Variants in KCNAB1 observed in about 807,000 individuals in gnomAD.
The protein encoded by KCNAB1 is voltage-gated potassium channel subunit beta-1.
Under a neutral mutation model 64.6 loss-of-function variants are expected in KCNAB1, and 35 were observed. The ratio of observed to expected loss-of-function variants is 0.54; its 90% confidence interval spans 0.41 to 0.72. KCNAB1 has a LOEUF of 0.72. Among genes scored for constraint, KCNAB1 ranks in the 30% least tolerant of loss-of-function variants. The pLI is 0.00. For missense variants in KCNAB1, 401 were observed against 512.9 expected, an observed-to-expected ratio of 0.78 and a Z score of 2.11; for synonymous variants, 177 against 183.8, an observed-to-expected ratio of 0.96 and a Z score of 0.30.
At chr3:156,296,074 T>G (rs1720755443) in intron 1 of KCNAB1, among the ~76,000 whole-genome samples, 1 of 152,234 alleles carries the variant, frequency 6.6e-6, no homozygotes, top group South Asian at 2.1e-4. Context: ...TTTTTATGTC[T>G]ATTTTTAATC....
intron 2 of KCNAB1, among the ~76,000 whole-genome samples, chr3:156,436,723 A>G (rs1452660526): frequency 6.6e-6 from 1 of 152,196 alleles, no homozygotes; most frequent in Non-Finnish European, 1.5e-5. Flanking sequence ...TCTTTTGAGA[A>G]GTGTCTGTTC....
chr3:156,143,302 G>T (rs1714815785), intron 1 of KCNAB1: 2 of 1,613,590 alleles, frequency 1.2e-6, no homozygotes, highest in African/African-American at 1.3e-5. Context: ...GCCTCAGGCG[G>T]CCTGCAAACC....
At chr3:156,492,122 A>T (rs1350776349) in intron 8 of KCNAB1, among the ~76,000 whole-genome samples, 4 of 152,186 alleles carry the variant, frequency 2.6e-5, no homozygotes, top group African/African-American at 9.6e-5. Context: ...GTATATTAAT[A>T]GATACTAACT....
At chr3:156,342,609 A>ATTTTTTTTTTTTTTTTTTTTTTTTT (rs59689669) in intron 1 of KCNAB1, among the ~76,000 whole-genome samples, 3 of 104,694 alleles carry the variant, frequency 2.9e-5, no homozygotes, top group Admixed American at 1.0e-4. Flanking sequence ...TTTTTTTTTA[A>ATTTTTTTTTTTTTTTTTTTTTTTTT]TTTTTTTTTT....
intron 1 of KCNAB1, among the ~76,000 whole-genome samples, chr3:156,151,913 T>C (rs992328142): frequency 6.6e-6 from 1 of 152,224 alleles, no homozygotes; most frequent in African/African-American, 2.4e-5. Context: ...TCCTTCAATC[T>C]GGAACAGTTC....
At chr3:156,476,055 A>G (rs946211628) in intron 8 of KCNAB1, among the ~76,000 whole-genome samples, 7 of 152,200 alleles carry the variant, frequency 4.6e-5, no homozygotes, top group African/African-American at 1.4e-4. Flanking sequence ...AGCAAAGATT[A>G]GGTGTTTGAG....
At chr3:156,423,658 T>C (rs1474734767) in intron 2 of KCNAB1, among the ~76,000 whole-genome samples, 1 of 152,252 alleles carries the variant, frequency 6.6e-6, no homozygotes, top group Non-Finnish European at 1.5e-5. Context: ...TTATGTGTTT[T>C]TCTTCTAGAC....
intron 1 of KCNAB1, among the ~76,000 whole-genome samples, chr3:156,334,975 C>T (rs1723589103): frequency 6.6e-6 from 1 of 152,206 alleles, no homozygotes; most frequent in South Asian, 2.1e-4. Flanking sequence ...TCCAGCCTTG[C>T]CCTTCTTTCC....
chr3:156,258,570 C>T (rs1182422513), intron 1 of KCNAB1, among the ~76,000 whole-genome samples: 1 of 152,156 alleles, frequency 6.6e-6, no homozygotes, highest in Non-Finnish European at 1.5e-5. Flanking sequence ...CTGTTCTGTC[C>T]TATGCAACAA....
At chr3:156,335,955 G>A (rs1379350963) in intron 1 of KCNAB1, among the ~76,000 whole-genome samples, 1 of 147,432 alleles carries the variant, frequency 6.8e-6, no homozygotes, top group African/African-American at 2.5e-5. Flanking sequence ...TGTCATTTTT[G>A]TGAAGTTGAT....
Position 156,538,108 on chromosome 3 carries a change from A to C in KCNAB1, c.*1361A>C, listed in dbSNP as rs1388791150. On this transcript the variant is annotated 3_prime_UTR_variant, in exon 14 of 14. Coordinates refer to ENST00000490337, the MANE Select transcript of KCNAB1 (RefSeq NM_172160.3). ...CACTTGAGAAAAATTGTGAGACTATACTGTGTCAATATCTGTAAAAAGAGA... is the reference window on the plus strand; with the variant it reads ...CACTTGAGAAAAATTGTGAGACTATCCTGTGTCAATATCTGTAAAAAGAGA... The C allele has an allele frequency of 6.6e-6, 1 of 151,526 alleles. No individual in the cohort carries two copies. Among genetic ancestry groups the C allele is most frequent in the Non-Finnish European group, 1.5e-5 (1 of 67,942 alleles). 9.4% of individuals were successfully genotyped at this position (151,526 alleles called of 1,614,324 possible).
At chr3:156,195,880 G>A (rs970503095) in intron 1 of KCNAB1, among the ~76,000 whole-genome samples, 5 of 152,104 alleles carry the variant, frequency 3.3e-5, no homozygotes, top group Non-Finnish European at 5.9e-5. Flanking sequence ...TGTTCTGAAT[G>A]GTACTGCCTG....
intron 11 of KCNAB1, among the ~76,000 whole-genome samples, chr3:156,522,606 C>T (rs1357386005): frequency 6.6e-6 from 1 of 152,240 alleles, no homozygotes; most frequent in Non-Finnish European, 1.5e-5. Context: ...ACTGGGGCGG[C>T]TTGCCCTTCT....
intron 1 of KCNAB1, among the ~76,000 whole-genome samples, chr3:156,160,286 G>A (rs1304944530): frequency 6.6e-6 from 1 of 152,196 alleles, no homozygotes; most frequent in Non-Finnish European, 1.5e-5. Flanking sequence ...TACAATTTAA[G>A]TATCCTTTCT....
chr3:156,278,014 T>A (rs962625985), intron 1 of KCNAB1, among the ~76,000 whole-genome samples: 1 of 152,216 alleles, frequency 6.6e-6, no homozygotes, highest in Non-Finnish European at 1.5e-5. Flanking sequence ...TCTCCTACAT[T>A]AACTTTCTGT....
At chr3:156,275,545 C>A (rs1471117897) in intron 1 of KCNAB1, among the ~76,000 whole-genome samples, 1 of 152,202 alleles carries the variant, frequency 6.6e-6, no homozygotes, top group Non-Finnish European at 1.5e-5. Context: ...CACAATAGAA[C>A]TTCTTTGAAA....
At chr3:156,432,599 G>T (rs1174192928) in intron 2 of KCNAB1, among the ~76,000 whole-genome samples, 1 of 152,220 alleles carries the variant, frequency 6.6e-6, no homozygotes, top group Non-Finnish European at 1.5e-5. Flanking sequence ...GGAGCTGACG[G>T]TCTAACCATG....
intron 1 of KCNAB1, among the ~76,000 whole-genome samples, chr3:156,222,465 A>C (rs1468477954): frequency 6.6e-6 from 1 of 152,238 alleles, no homozygotes; most frequent in East Asian, 1.9e-4. Flanking sequence ...GCTAGACAGC[A>C]ACACCATAAT....
intron 1 of KCNAB1, among the ~76,000 whole-genome samples, chr3:156,343,119 T>A (rs1724252291): frequency 6.6e-6 from 1 of 152,236 alleles, no homozygotes; most frequent in South Asian, 2.1e-4. Context: ...CCTTCCTGCA[T>A]AAAATGGATT....
Sources: allele counts gnomAD v4.1 joint callset (sites outside exome capture counted in the v4.1 genomes callset), GRCh38; gene constraint gnomAD v4.1.1; transcripts MANE v1.5; gene names NCBI Gene and HGNC (gene_info 2026-07-23, HGNC 2026-07-21).